STK3: variants seen among roughly 807,000 people sequenced by gnomAD.
STK3 encodes the protein serine/threonine-protein kinase 3.
In STK3, 41 loss-of-function variants were observed where a neutral mutation model predicts 58.0. That is an observed-to-expected ratio of 0.71 (90% CI 0.55 to 0.92). The LOEUF (loss-of-function observed/expected upper bound fraction) is 0.92, where lower values mean the gene tolerates loss of function less well. Among genes scored for constraint, STK3 ranks in the 40% least tolerant of loss-of-function variants. STK3 has a pLI of 0.00. For missense variants in STK3, 479 were observed against 602.7 expected (o/e 0.79, Z 2.15); for synonymous variants, 170 against 191.0 (o/e 0.89, Z 0.91).
intron 3 of STK3, among the ~76,000 whole-genome samples, chr8:98,408,763 G>A (rs984745001): frequency 4.6e-5 from 7 of 152,212 alleles, no homozygotes; most frequent in African/African-American, 1.7e-4. Flanking sequence ...TTCCCGTTCT[G>A]CTTAGACAAT....
downstream of STK3, among the ~76,000 whole-genome samples, chr8:98,400,609 GA>G (rs921220610): frequency 9.9e-4 from 151 of 152,224 alleles, 1 homozygote; most frequent in African/African-American, 3.6e-3. Context: ...AGAAAGTTTT[GA>G]ACAAAAGAGT....
chr8:98,609,267 A>G (rs746781979), intron 6 of STK3, among the ~76,000 whole-genome samples: 3 of 152,246 alleles, frequency 2.0e-5, no homozygotes, highest in Admixed American at 6.5e-5. Context: ...TAAATGTTAA[A>G]TAAGTTTTGA....
intron 8 of STK3, among the ~76,000 whole-genome samples, chr8:98,559,397 T>C (rs552882833): frequency 1.1e-4 from 17 of 152,246 alleles, no homozygotes; most frequent in African/African-American, 4.1e-4. Flanking sequence ...CTAAACGCAG[T>C]ATTCCATGGT....
intron 3 of STK3, among the ~76,000 whole-genome samples, chr8:98,850,055 A>G (rs777294026): frequency 9.9e-5 from 15 of 152,074 alleles, no homozygotes; most frequent in Non-Finnish European, 2.1e-4. Context: ...TGTTTCTCAA[A>G]TTTGCCCTAT....
downstream of STK3, chr8:98,454,527 G>C (rs1415070583): frequency 6.6e-6 from 1 of 152,278 alleles, no homozygotes; most frequent in Non-Finnish European, 1.5e-5. Context: ...AAGGGTGAGG[G>C]TTGTCAGCAC....
chr8:98,635,294 T>A (rs1221134964), intron 6 of STK3, among the ~76,000 whole-genome samples: 2 of 152,204 alleles, frequency 1.3e-5, no homozygotes, highest in African/African-American at 4.8e-5. Flanking sequence ...ACTATTACAT[T>A]TTCTCTATAT....
chr8:98,568,137 A>G (rs1163803841), intron 8 of STK3, among the ~76,000 whole-genome samples: 1 of 152,162 alleles, frequency 6.6e-6, no homozygotes, highest in Non-Finnish European at 1.5e-5. Flanking sequence ...TAAAATAAAA[A>G]TTATAATTTT....
chr8:98,889,368 A>T (rs1332945129), intron 1 of STK3, among the ~76,000 whole-genome samples: 1 of 152,204 alleles, frequency 6.6e-6, no homozygotes, highest in Non-Finnish European at 1.5e-5. Context: ...CTCCAGGGAG[A>T]CAGTTCCCAG....
intron 3 of STK3, chr8:98,430,297 T>G (rs748569263): frequency 6.0e-6 from 1 of 167,096 alleles, no homozygotes; most frequent in Non-Finnish European, 1.5e-5. Flanking sequence ...GTTTCTGATC[T>G]AGGCCATTTG....
At chr8:98,483,862 C>A (rs1440914983) in intron 10 of STK3, among the ~76,000 whole-genome samples, 1 of 152,054 alleles carries the variant, frequency 6.6e-6, no homozygotes, top group East Asian at 1.9e-4. Flanking sequence ...GTGATTAAGA[C>A]CAGCTGCTAG....
intron 6 of STK3, among the ~76,000 whole-genome samples, chr8:98,703,484 C>T (rs1286961983): frequency 6.6e-6 from 1 of 152,138 alleles, no homozygotes; most frequent in African/African-American, 2.4e-5. Flanking sequence ...TCTTAACTAC[C>T]ACTTTATCTC....
chr8:98,863,729 C>A (rs1234172382), intron 3 of STK3, among the ~76,000 whole-genome samples: 3 of 152,162 alleles, frequency 2.0e-5, no homozygotes, highest in Non-Finnish European at 4.4e-5. Flanking sequence ...GTAGAAACAA[C>A]CATTTAACTA....
intron 3 of STK3, among the ~76,000 whole-genome samples, chr8:98,411,801 G>A (rs1396528247): frequency 6.6e-6 from 1 of 152,164 alleles, no homozygotes; most frequent in Non-Finnish European, 1.5e-5. Context: ...TAAGTCCCAG[G>A]CTGGATCTGA....
chr8:98,629,085 C>T (rs903962496), intron 6 of STK3, among the ~76,000 whole-genome samples: 7 of 152,104 alleles, frequency 4.6e-5, no homozygotes, highest in Admixed American at 6.6e-5. Context: ...TACCAATTCT[C>T]TTTTCCCCCA....
chr8:98,887,757 C>T (rs1838044991), intron 1 of STK3, among the ~76,000 whole-genome samples: 1 of 152,134 alleles, frequency 6.6e-6, no homozygotes. Context: ...GTAGAGATGA[C>T]CCCAGAGCAA....
chr8:98,372,548 T>A (rs911495303), intron 2 of STK3, among the ~76,000 whole-genome samples: 1 of 152,282 alleles, frequency 6.6e-6, no homozygotes, highest in East Asian at 1.9e-4. Context: ...TTTGTTTTTT[T>A]TTTTCCCCTT....
At chr8:98,582,647 C>T (rs899584359) in intron 7 of STK3, among the ~76,000 whole-genome samples, 1 of 152,052 alleles carries the variant, frequency 6.6e-6, no homozygotes, top group African/African-American at 2.4e-5. Flanking sequence ...ATTAGAAATG[C>T]TATCTTCATA....
chr8:98,472,527 C>T (rs1404693599), intron 10 of STK3, among the ~76,000 whole-genome samples: 1 of 152,152 alleles, frequency 6.6e-6, no homozygotes, highest in Non-Finnish European at 1.5e-5. Context: ...CATTGTATCA[C>T]ATGAACCTCA....
chr8:98,730,623 C>T (rs139724057), intron 4 of STK3, among the ~76,000 whole-genome samples: 177 of 145,032 alleles, frequency 1.2e-3, no homozygotes, highest in Non-Finnish European at 1.9e-3. Context: ...GGCTGAGGCA[C>T]GAGAACTGCT....
Sources: allele counts gnomAD v4.1 joint callset (sites outside exome capture counted in the v4.1 genomes callset), GRCh38; gene constraint gnomAD v4.1.1; transcripts MANE v1.5; gene names NCBI Gene and HGNC (gene_info 2026-07-23, HGNC 2026-07-21).